UST: variants seen among roughly 807,000 people sequenced by gnomAD.
UST encodes the protein chondroitin sulfate 2-O-sulfotransferase.
UST carries 21 observed loss-of-function variants against 45.6 expected under a neutral mutation model. The ratio of observed to expected loss-of-function variants is 0.46; its 90% CI spans 0.33 to 0.66. The LOEUF is 0.66. Among genes scored for constraint, UST ranks in the 30% least tolerant of loss-of-function variants. The pLI is 0.02. For missense variants in UST, 463 were observed against 512.4 expected (o/e 0.90, Z 0.93); for synonymous variants, 215 against 200.6 (o/e 1.07, Z -0.61).
chr6:148,917,909 C>T (rs994467852), intron 2 of UST, among the ~76,000 whole-genome samples: 5 of 152,164 alleles, frequency 3.3e-5, no homozygotes, highest in East Asian at 1.9e-4. Flanking sequence ...CAGAAATGAC[C>T]GAAGCAGCAT....
chr6:148,831,802 T>TA (rs1223480430), intron 1 of UST, among the ~76,000 whole-genome samples: 2 of 151,398 alleles, frequency 1.3e-5, no homozygotes, highest in Non-Finnish European at 2.9e-5. Context: ...TTAAAAAAAA[T>TA]AAAAAAAAGA....
chr6:148,894,032 C>G (rs188892167), intron 2 of UST, among the ~76,000 whole-genome samples: 1 of 151,984 alleles, frequency 6.6e-6, no homozygotes, highest in Admixed American at 6.6e-5. Context: ...AAAAAAAAGT[C>G]TAGGATGGAA....
intron 1 of UST, among the ~76,000 whole-genome samples, chr6:148,869,366 G>A (rs1440202503): frequency 2.0e-5 from 3 of 151,996 alleles, no homozygotes; most frequent in African/African-American, 7.3e-5. Flanking sequence ...GAAAAGGAGA[G>A]TGATGAATTT....
chr6:148,978,649 A>C lies in UST; in HGVS notation c.681+14086A>C, dbSNP rs770448778. On this transcript the variant is annotated intron_variant, in intron 5 of 7. Transcript: ENST00000367463. ...AGAACACATGGACACAGGGAGGGGA[A>C]CATCACACACCGGGGCCTGTCAGGG... Among the ~76,000 whole-genome samples the C allele has an allele frequency of 5.1e-4, 77 of 152,046 alleles. 1 individual carries two copies. Among genetic ancestry groups the C allele is most frequent in the Non-Finnish European group, 8.2e-4 (56 of 68,016 alleles).
intron 2 of UST, among the ~76,000 whole-genome samples, chr6:148,900,899 A>T (rs749528475): frequency 5.3e-5 from 8 of 152,136 alleles, no homozygotes; most frequent in African/African-American, 9.7e-5. Context: ...GGCCACCAGC[A>T]TTTCTTGACT....
intron 1 of UST, among the ~76,000 whole-genome samples, chr6:148,883,228 G>T (rs752607304): frequency 8.5e-5 from 13 of 152,196 alleles, no homozygotes; most frequent in Non-Finnish European, 1.8e-4. Context: ...AACTAACAAA[G>T]GTTTTAACTG....
At chr6:149,036,778 A>G (rs767145945) in intron 7 of UST, among the ~76,000 whole-genome samples, 4 of 152,238 alleles carry the variant, frequency 2.6e-5, no homozygotes, top group Non-Finnish European at 4.4e-5. Context: ...CTTTAACGGT[A>G]ATTGATTAAT....
At chr6:148,750,058 TCAAAA>T (rs982358495) in intron 1 of UST, among the ~76,000 whole-genome samples, 7 of 152,236 alleles carry the variant, frequency 4.6e-5, no homozygotes. Flanking sequence ...TTAGTGTCTG[TCAAAA>T]CAAAACTTGT....
chr6:148,988,070 G>A (rs151189638), intron 5 of UST, among the ~76,000 whole-genome samples: 1 of 152,086 alleles, frequency 6.6e-6, no homozygotes, highest in African/African-American at 2.4e-5. Flanking sequence ...TCCTGGAGGA[G>A]GTGTTACCTC....
At chr6:148,904,548 C>T (rs1779322005) in intron 2 of UST, among the ~76,000 whole-genome samples, 1 of 151,846 alleles carries the variant, frequency 6.6e-6, no homozygotes, top group African/African-American at 2.4e-5. Flanking sequence ...TTTTTTGAGA[C>T]AGTCTCACTC....
intron 1 of UST, among the ~76,000 whole-genome samples, chr6:148,879,943 T>C (rs1300887741): frequency 1.1e-5 from 1 of 95,016 alleles, no homozygotes; most frequent in Non-Finnish European, 2.1e-5. Flanking sequence ...TCTTTTTTCT[T>C]TTTTTTTTCT....
chr6:149,066,962 C>T (rs1461341679), intron 7 of UST, among the ~76,000 whole-genome samples: 1 of 152,024 alleles, frequency 6.6e-6, no homozygotes, highest in African/African-American at 2.4e-5. Flanking sequence ...GAGAAAATCA[C>T]AGGAGAGTGG....
intron 1 of UST, among the ~76,000 whole-genome samples, chr6:148,832,034 C>G (rs111805818): frequency 0.19 from 29,412 of 152,112 alleles, 3,124 homozygotes; most frequent in African/African-American, 0.28. Flanking sequence ...CTCTCTATTG[C>G]CCAGGCTGGA....
chr6:148,904,951 G>A (rs1779327993), intron 2 of UST, among the ~76,000 whole-genome samples: 2 of 152,318 alleles, frequency 1.3e-5, no homozygotes, highest in South Asian at 2.1e-4. Context: ...ATATTGGGAA[G>A]GCATCAGCAG....
chr6:148,881,517 G>A (rs1015440033), intron 1 of UST, among the ~76,000 whole-genome samples: 2 of 152,228 alleles, frequency 1.3e-5, no homozygotes, highest in Non-Finnish European at 2.9e-5. Flanking sequence ...GTCTGGATCT[G>A]AGCCTGGGGT....
intron 5 of UST, chr6:149,005,190 A>G: frequency 1.9e-6 from 1 of 529,196 alleles, no homozygotes; most frequent in Non-Finnish European, 2.4e-6. Flanking sequence ...TGGCTTGGGT[A>G]GGGCAGGAGG....
chr6:148,999,682 TA>T (rs1324077470), intron 5 of UST, among the ~76,000 whole-genome samples: 6 of 140,362 alleles, frequency 4.3e-5, no homozygotes, highest in Non-Finnish European at 8.3e-5. Flanking sequence ...TACGTTTCTC[TA>T]AACATGTGAC....
At chr6:149,036,372 C>T (rs1308035949) in intron 7 of UST, among the ~76,000 whole-genome samples, 2 of 152,338 alleles carry the variant, frequency 1.3e-5, no homozygotes, top group East Asian at 3.9e-4. Context: ...ATGCGTGCCT[C>T]CAACCGCATT....
At chr6:148,775,487 C>G (rs1776513713) in intron 1 of UST, among the ~76,000 whole-genome samples, 2 of 152,248 alleles carry the variant, frequency 1.3e-5, no homozygotes, top group Middle Eastern at 3.4e-3. Flanking sequence ...AAAGTAAGGG[C>G]TCCTGAAATT....
Sources: gnomAD v4.1 joint callset for allele counts (sites outside exome capture counted in the v4.1 genomes callset) on GRCh38, gnomAD v4.1.1 for gene constraint, MANE v1.5 for transcripts, NCBI Gene and HGNC (gene_info 2026-07-23, HGNC 2026-07-21) for gene names.